XRCC6: variants seen among roughly 807,000 people sequenced by gnomAD.
XRCC6 encodes DNA repair protein Ku70.
In XRCC6, 5 loss-of-function variants were observed where a neutral mutation model predicts 65.7. The ratio of observed to expected loss-of-function variants is 0.08; its 90% confidence interval spans 0.04 to 0.16. The LOEUF is 0.16. XRCC6 is among the 10% of genes least tolerant of loss of function. The pLI is 1.00. For missense variants in XRCC6, 447 were observed against 738.1 expected, an observed-to-expected ratio of 0.61 and a Z score of 4.57; for synonymous variants, 270 against 270.6, an observed-to-expected ratio of 1.00 and a Z score of 0.02.
At position 41,628,695 on chromosome 22, in the gene XRCC6, G is replaced by C. The variant is rs895340639; in HGVS notation, c.195+465G>C. 2.0e-5 allele frequency among the ~76,000 whole-genome samples: 3 copies of C among 152,074 alleles called. No individual in the cohort carries two copies. In the South Asian group the frequency reaches 6.2e-4, roughly 31 times the overall value. ...CTTGAAAAGACATTTCTCCAGCTGG[G>C]CGTGGTGGCTCATGTCTATAATCCC... On this transcript the variant is annotated intron_variant, in intron 3 of 12. Transcript: ENST00000360079.
chr22:41,639,756 G>T (rs558954922), intron 6 of XRCC6, among the ~76,000 whole-genome samples: 9 of 147,312 alleles, frequency 6.1e-5, no homozygotes, highest in African/African-American at 1.0e-4. Context: ...TCCGCCTCCC[G>T]GGTTCATGCC....
intron 6 of XRCC6, among the ~76,000 whole-genome samples, chr22:41,645,736 G>A (rs1235813107): frequency 2.8e-5 from 4 of 144,432 alleles, no homozygotes; most frequent in African/African-American, 1.0e-4. Context: ...TCGCTCTGTC[G>A]CTAGGCTGGA....
At chr22:41,651,331 G>A (rs2147106253) in intron 8 of XRCC6, among the ~76,000 whole-genome samples, 2 of 131,276 alleles carry the variant, frequency 1.5e-5, no homozygotes, top group South Asian at 5.5e-4. Context: ...CTCAAATTTT[G>A]GAAATGTGGG....
intron 12 of XRCC6, 147 bp downstream of exon 12, chr22:41,661,591 T>C: frequency 1.5e-6 from 1 of 676,780 alleles, no homozygotes; most frequent in South Asian, 2.0e-5. Flanking sequence ...TAACAAATGC[T>C]GGCAAAGATG....
intron 2 of XRCC6, among the ~76,000 whole-genome samples, chr22:41,622,743 A>G (rs949510852): frequency 9.2e-5 from 14 of 152,120 alleles, no homozygotes; most frequent in Non-Finnish European, 2.9e-5. Flanking sequence ...GATCAAGACC[A>G]TCCTGGTTAA....
intron 3 of XRCC6, among the ~76,000 whole-genome samples, chr22:41,635,612 C>T (rs956686630): frequency 6.6e-6 from 1 of 152,066 alleles, no homozygotes; most frequent in Non-Finnish European, 1.5e-5. Context: ...GCAGTCTCTG[C>T]TCACTGCAGC....
intron 3 of XRCC6, 29 bp downstream of exon 3, chr22:41,628,259 T>A: frequency 6.3e-7 from 1 of 1,582,646 alleles, no homozygotes; most frequent in Non-Finnish European, 8.7e-7. Flanking sequence ...TTAAGACAAA[T>A]TTAAAAACAG....
rs926780088 is a variant in XRCC6, at chr22:41,622,995, G to T, written c.82+909G>T. The stretch of plus-strand genomic sequence containing the variant: ...GGAAATACAAAAAAGAAAAAAATTT[G>T]CTATAATCTACCACTCTAACACAAC... On this transcript the variant is annotated intron_variant, in intron 2 of 12. Coordinates refer to ENST00000360079, the MANE Select transcript of XRCC6 (RefSeq NM_001469.5). Among the ~76,000 whole-genome samples the T allele has an allele frequency of 2.0e-5, 3 of 151,614 alleles. No homozygotes were observed. The South Asian group carries it at 6.2e-4, about 32-fold the overall frequency.
intron 8 of XRCC6, among the ~76,000 whole-genome samples, chr22:41,651,262 C>T (rs2067991738): frequency 6.6e-6 from 1 of 151,320 alleles, no homozygotes. Context: ...CACACCACTG[C>T]ACTCCAGCCT....
chr22:41,656,215 CAA>C (rs132783), intron 9 of XRCC6, among the ~76,000 whole-genome samples: 21 of 127,164 alleles, frequency 1.7e-4, no homozygotes, highest in Admixed American at 5.0e-4. Flanking sequence ...GATCCTGTCT[CAA>C]AAAAAAAAAA....
At chr22:41,660,742 G>T (rs2068091950) in intron 11 of XRCC6, among the ~76,000 whole-genome samples, 1 of 152,112 alleles carries the variant, frequency 6.6e-6, no homozygotes, top group Admixed American at 6.6e-5. Flanking sequence ...CTTGCATGGT[G>T]TTGCCCAACT....
intron 12 of XRCC6, among the ~76,000 whole-genome samples, chr22:41,662,407 A>G (rs935954049): frequency 6.6e-6 from 1 of 152,204 alleles, no homozygotes; most frequent in Non-Finnish European, 1.5e-5. Context: ...ACAACCATAC[A>G]TATTTACACA....
At chr22:41,654,281 G>A (rs1049936192) in intron 9 of XRCC6, among the ~76,000 whole-genome samples, 2 of 152,064 alleles carry the variant, frequency 1.3e-5, no homozygotes, top group Non-Finnish European at 2.9e-5. Context: ...TTTCCCTCGG[G>A]GTGGTTTTAC....
At chr22:41,658,728 A>G (rs2068070297) in intron 11 of XRCC6, among the ~76,000 whole-genome samples, 1 of 152,206 alleles carries the variant, frequency 6.6e-6, no homozygotes, top group South Asian at 2.1e-4. Flanking sequence ...ATCCTGGCCA[A>G]CATGTCTCTA....
intron 2 of XRCC6, among the ~76,000 whole-genome samples, 193 bp downstream of exon 2, chr22:41,622,279 A>G (rs556073714): frequency 6.6e-6 from 1 of 152,206 alleles, no homozygotes; most frequent in South Asian, 2.1e-4. Flanking sequence ...AGTGTGCCCT[A>G]AGTTTTTTTT....
At chr22:41,643,600 C>G (rs1367545705) in intron 6 of XRCC6, among the ~76,000 whole-genome samples, 2 of 152,054 alleles carry the variant, frequency 1.3e-5, no homozygotes, top group Admixed American at 1.3e-4. Flanking sequence ...ACGGGTGGAT[C>G]ACCTGAGGTC....
intron 11 of XRCC6, among the ~76,000 whole-genome samples, chr22:41,660,521 CA>C (rs2068089469): frequency 6.6e-6 from 1 of 152,146 alleles, no homozygotes; most frequent in African/African-American, 2.4e-5. Flanking sequence ...ATGCAGCTAT[CA>C]GGGGATTCTT....
At chr22:41,645,846 G>A in intron 6 of XRCC6, among the ~76,000 whole-genome samples, 1 of 151,632 alleles carries the variant, frequency 6.6e-6, no homozygotes, top group Middle Eastern at 3.4e-3. Flanking sequence ...TAGACTGTGC[G>A]TGCGCCACCA....
At chr22:41,658,692 G>T (rs1258462165) in intron 11 of XRCC6, among the ~76,000 whole-genome samples, 1 of 152,202 alleles carries the variant, frequency 6.6e-6, no homozygotes, top group Non-Finnish European at 1.5e-5. Context: ...GAGGCGGGTG[G>T]ATCACGAGGT....
Sources: allele counts gnomAD v4.1 joint callset (sites outside exome capture counted in the v4.1 genomes callset), GRCh38; gene constraint gnomAD v4.1.1; transcripts MANE v1.5; gene names NCBI Gene and HGNC (gene_info 2026-07-23, HGNC 2026-07-21).